PGM3: variants seen among roughly 807,000 people sequenced by gnomAD.
The protein encoded by PGM3 is phosphoacetylglucosamine mutase.
PGM3 carries 40 observed loss-of-function variants against 66.2 expected under a neutral mutation model. That is an observed-to-expected ratio of 0.60 (90% CI 0.47 to 0.79). PGM3 has a LOEUF of 0.79. PGM3 is among the 30% of genes least tolerant of loss of function. The probability of loss-of-function intolerance (pLI) is 0.00; values close to 1 mark genes in which losing one functional copy is unlikely to be tolerated. For synonymous variants in PGM3, 191 were observed against 224.2 expected (o/e 0.85, Z 1.32); for missense variants, 537 against 643.4 (o/e 0.83, Z 1.79).
At chr6:83,153,534 G>A in the PGM3 span, 1 of 1,603,026 alleles carries the variant, frequency 6.2e-7, no homozygotes, top group Non-Finnish European at 8.5e-7. Context: ...TTTTGGATAT[G>A]GTTTTCTATA....
the PGM3 span, chr6:83,155,811 C>A: frequency 1.0e-6 from 1 of 955,260 alleles, no homozygotes; most frequent in South Asian, 1.9e-5. Flanking sequence ...AGCCTGTCTG[C>A]CCCAGAGAGG....
rs935969568 is a variant in PGM3 at position 83,166,867 on chromosome 6, T to C, written c.*2367A>G. 9.3e-5 allele frequency: 93 copies of C among 994,770 alleles called. No individual in the cohort carries two copies. Among genetic ancestry groups the C allele is most frequent in the Non-Finnish European group, 1.1e-4 (90 of 836,454 alleles). The allele number at this position is 994,770 out of a possible 1,614,324, so 61.6% of individuals were successfully genotyped here. On this transcript the variant is annotated 3_prime_UTR_variant, in exon 13 of 13. Coordinates refer to ENST00000513973, the MANE Select transcript of PGM3 (RefSeq NM_015599.3). Reference sequence around the variant, plus strand: ...TTAGAAGGCAAACTCCATTTGTTAATATGACAGATTGTAATTCTGCTTCCT... The same window carrying C: ...TTAGAAGGCAAACTCCATTTGTTAACATGACAGATTGTAATTCTGCTTCCT...
At chr6:83,181,361 A>G (rs548621183) in intron 6 of PGM3, among the ~76,000 whole-genome samples, 12 of 152,312 alleles carry the variant, frequency 7.9e-5, no homozygotes, top group Admixed American at 7.2e-4. Context: ...TAGAAATGCA[A>G]ATTTCTATCA....
At chr6:83,174,226 TA>T in intron 10 of PGM3, 147 bp downstream of exon 10, 1 of 591,522 alleles carries the variant, frequency 1.7e-6, no homozygotes, top group Non-Finnish European at 3.0e-6. Flanking sequence ...CATTTCATTA[TA>T]AATCTCAACT....
intron 3 of PGM3, 193 bp downstream of exon 3, chr6:83,188,421 G>C (rs1788763262): frequency 1.9e-6 from 1 of 515,836 alleles, no homozygotes; most frequent in African/African-American, 1.9e-5. Flanking sequence ...TTTTAAACCA[G>C]AGTCAGACTC....
the PGM3 span, among the ~76,000 whole-genome samples, chr6:83,152,678 G>C: frequency 3.3e-5 from 5 of 150,074 alleles, no homozygotes. Flanking sequence ...AGTCAAGTGG[G>C]GTGATCTCAG....
At chr6:83,192,770 A>G (rs1016724125) in intron 1 of PGM3, among the ~76,000 whole-genome samples, 2 of 152,080 alleles carry the variant, frequency 1.3e-5, no homozygotes, top group Admixed American at 6.5e-5. Flanking sequence ...ACTACTTTCA[A>G]TGCCTCTGCG....
Position 83,171,963 on chromosome 6 carries a change from G to T in PGM3, c.1339C>A (p.Leu447Ile). 3 of 1,613,274 alleles carry T rather than the reference G, an allele frequency of 1.9e-6. No individual in the cohort carries two copies. Among genetic ancestry groups the T allele is most frequent in the Non-Finnish European group, 2.5e-6 (3 of 1,179,252 alleles). ...TGAACTTTAAGTTGTCTGTTTGGAA[G>T]ATCTGTATAGAGAGCATCCCACTGT... Reference protein sequence around the residue: ...VQQWDALYTDLPNRQLKVQVA... With the variant: ...VQQWDALYTDIPNRQLKVQVA... Residue 447 changes from leucine (L) to isoleucine (I), a missense_variant, in exon 11 of 13, where the codon CTT (leucine) becomes ATT (isoleucine). Physicochemically the swap from Leu to Ile is conservative, Grantham distance 5. Coordinates refer to ENST00000513973, the MANE Select transcript of PGM3 (RefSeq NM_015599.3).
chr6:83,178,797 T>C (rs1280918540), intron 7 of PGM3, 41 bp from the exon 8 acceptor site: 1 of 1,136,898 alleles, frequency 8.8e-7, no homozygotes, highest in Admixed American at 1.7e-5. Context: ...ATCAAAAGTA[T>C]GGTCTACAAA....
At chr6:83,179,218 G>A (rs1464022790) in intron 7 of PGM3, among the ~76,000 whole-genome samples, 1 of 148,600 alleles carries the variant, frequency 6.7e-6, no homozygotes, top group Non-Finnish European at 1.5e-5. Flanking sequence ...GGCTGAGGCA[G>A]AAGAATTGCT....
intron 12 of PGM3, 146 bp from the exon 13 acceptor site, chr6:83,169,469 A>G (rs980742431): frequency 2.2e-6 from 2 of 897,994 alleles, no homozygotes; most frequent in Non-Finnish European, 3.3e-6. Flanking sequence ...ACCTTTTTTC[A>G]TCTTTCAGTA....
chr6:83,179,261 G>A (rs560257207), intron 7 of PGM3, among the ~76,000 whole-genome samples: 1 of 147,486 alleles, frequency 6.8e-6, no homozygotes, highest in East Asian at 2.0e-4. Context: ...GCAATGAGCC[G>A]AGATCACGCC....
chr6:83,171,906 C>T, intron 11 of PGM3, 31 bp downstream of exon 11: 1 of 1,573,516 alleles, frequency 6.4e-7, no homozygotes, highest in East Asian at 2.2e-5. Flanking sequence ...AGCTAATATT[C>T]AAAAAAGTTA....
At chr6:83,177,381 T>C (rs1165469652) in intron 8 of PGM3, among the ~76,000 whole-genome samples, 1 of 151,912 alleles carries the variant, frequency 6.6e-6, no homozygotes, top group Non-Finnish European at 1.5e-5. Flanking sequence ...CCAAGGGTGG[T>C]CACCTGGTGG....
rs918955369 is a variant in PGM3 at position 83,166,386 on chromosome 6, A to G, written c.*2848T>C. On this transcript the variant is annotated 3_prime_UTR_variant, in exon 13 of 13. Transcript: ENST00000513973. ...TCTCCTTTGCAAAACTTCTTGAGCC[A>G]TCACGGCACTGTATGTTCATTAGCA... 2.9e-6 allele frequency: 2 copies of G among 701,346 alleles called. No homozygotes were observed. Among genetic ancestry groups the G allele is most frequent in the East Asian group, 5.4e-5 (2 of 37,262 alleles). The allele number at this position is 701,346 out of a possible 1,614,324, so 43.4% of individuals were successfully genotyped here.
intron 8 of PGM3, among the ~76,000 whole-genome samples, chr6:83,177,445 C>CA (rs1002407007): frequency 1.2e-3 from 177 of 143,320 alleles, no homozygotes; most frequent in East Asian, 2.0e-3. Context: ...AAAACCTCTC[C>CA]AAAAAAAAAA....
chr6:83,190,687 C>A (rs1199835124), intron 2 of PGM3, 122 bp downstream of exon 2: 4 of 754,958 alleles, frequency 5.3e-6, no homozygotes, highest in African/African-American at 1.8e-5. Flanking sequence ...ACATCCAAAG[C>A]ACATATAAAT....
At chr6:83,157,757 TG>T (rs911294328), downstream of PGM3, among the ~76,000 whole-genome samples, 1 of 152,168 alleles carries the variant, frequency 6.6e-6, no homozygotes, top group Non-Finnish European at 1.5e-5. Context: ...CATTTAAACT[TG>T]CTTCAGAGAG....
chr6:83,169,444 C>A, intron 12 of PGM3, 121 bp from the exon 13 acceptor site: 1 of 1,185,144 alleles, frequency 8.4e-7, no homozygotes, highest in Non-Finnish European at 1.2e-6. Flanking sequence ...GTTTCACTAA[C>A]AAATTCTAAT....
Sources: allele counts gnomAD v4.1 joint callset (sites outside exome capture counted in the v4.1 genomes callset), GRCh38; gene constraint gnomAD v4.1.1; transcripts MANE v1.5; gene names NCBI Gene and HGNC (gene_info 2026-07-23, HGNC 2026-07-21).